The following SLC41A3 variants were observed in gnomAD, a reference collection of about 807,000 sequenced individuals.
The protein encoded by SLC41A3 is SLC41A1-like 2.
In SLC41A3, 44 loss-of-function variants were observed where a neutral mutation model predicts 45.4. That is an observed-to-expected ratio of 0.97 (90% confidence interval 0.76 to 1.25). The LOEUF (loss-of-function observed/expected upper bound fraction) is 1.25. Among genes scored for constraint, SLC41A3 ranks in the 50% most tolerant of loss-of-function variants. The pLI is 0.00. For missense variants in SLC41A3, 550 were observed against 600.6 expected (o/e 0.92, Z 0.88); for synonymous variants, 256 against 252.4 (o/e 1.01, Z -0.13).
chr3:126,072,372 T>TA (rs138420343), intron 1 of SLC41A3, among the ~76,000 whole-genome samples: 35 of 126,486 alleles, frequency 2.8e-4, no homozygotes, highest in African/African-American at 6.9e-4. Flanking sequence ...TAAAAAAAAA[T>TA]AAAAAAAAAA....
At chr3:126,084,292 G>A (rs891675720), upstream of SLC41A3, 11 of 152,258 alleles carry the variant, frequency 7.2e-5, no homozygotes, top group Admixed American at 5.9e-4. Context: ...GGGGCCCGGG[G>A]GGCTGGGAGC....
At chr3:126,086,408 G>GTTTTTTTTTTTTTTTTT (rs57316346), upstream of SLC41A3, among the ~76,000 whole-genome samples, 1 of 21,184 alleles carries the variant, frequency 4.7e-5, no homozygotes, top group African/African-American at 1.3e-4. Flanking sequence ...TTGTTTTCTT[G>GTTTTTTTTTTTTTTTTT]TTTTTTTTTT....
chr3:126,035,415 A>G (rs1271488782), intron 3 of SLC41A3, among the ~76,000 whole-genome samples: 3 of 152,236 alleles, frequency 2.0e-5, no homozygotes, highest in Non-Finnish European at 4.4e-5. Flanking sequence ...CCAGGCCAAC[A>G]GGAGCCACAG....
chr3:126,077,698 A>T (rs1372818995), intron 1 of SLC41A3, among the ~76,000 whole-genome samples: 2 of 152,164 alleles, frequency 1.3e-5, no homozygotes, highest in African/African-American at 4.8e-5. Context: ...TTTCCCAAGG[A>T]ATTTATGGAT....
chr3:126,077,724 G>A (rs976949009), intron 1 of SLC41A3, among the ~76,000 whole-genome samples: 2 of 152,220 alleles, frequency 1.3e-5, no homozygotes, highest in Non-Finnish European at 2.9e-5. Context: ...AGGAGCTGAC[G>A]GAAGAACTGA....
intron 3 of SLC41A3, among the ~76,000 whole-genome samples, chr3:126,039,344 T>C (rs1022965743): frequency 6.6e-6 from 1 of 152,240 alleles, no homozygotes; most frequent in Non-Finnish European, 1.5e-5. Context: ...CCATTGCATT[T>C]AGCCACAGCT....
intron 10 of SLC41A3, among the ~76,000 whole-genome samples, chr3:126,008,326 G>A (rs575598949): frequency 1.3e-5 from 2 of 152,332 alleles, no homozygotes; most frequent in East Asian, 3.9e-4. Flanking sequence ...GGCATGCACT[G>A]TGACATGCAG....
intron 1 of SLC41A3, among the ~76,000 whole-genome samples, chr3:126,092,195 C>T (rs1049098338): frequency 1.2e-4 from 18 of 152,190 alleles, no homozygotes; most frequent in Non-Finnish European, 2.2e-4. Flanking sequence ...ATGGCCATAA[C>T]GCCCACACTG....
At chr3:126,010,387 G>A (rs768459619) in intron 9 of SLC41A3, among the ~76,000 whole-genome samples, 40 of 152,122 alleles carry the variant, frequency 2.6e-4, no homozygotes, top group Admixed American at 2.3e-3. Flanking sequence ...CAGGAGAATC[G>A]CTTGAACCAG....
chr3:126,010,176 CA>C (rs1442706569), intron 9 of SLC41A3, among the ~76,000 whole-genome samples: 1 of 152,100 alleles, frequency 6.6e-6, no homozygotes, highest in African/African-American at 2.4e-5. Flanking sequence ...TACAAATAGA[CA>C]AAAAACACTC....
chr3:126,067,376 T>A (rs1944403978), intron 2 of SLC41A3: 1 of 164,994 alleles, frequency 6.1e-6, no homozygotes, highest in Admixed American at 6.3e-5. Flanking sequence ...ACACAGCCTT[T>A]AAGAGGTAAT....
At chr3:126,035,060 C>G (rs1942082448) in intron 3 of SLC41A3, among the ~76,000 whole-genome samples, 1 of 152,184 alleles carries the variant, frequency 6.6e-6, no homozygotes, top group African/African-American at 2.4e-5. Flanking sequence ...GGGCAGGAGG[C>G]TGAGGAGCTC....
upstream of SLC41A3, among the ~76,000 whole-genome samples, chr3:126,086,807 A>G (rs1038880854): frequency 1.3e-5 from 2 of 152,126 alleles, no homozygotes; most frequent in Non-Finnish European, 2.9e-5. Context: ...ATGTACTTCT[A>G]TTGCCATGCC....
intron 4 of SLC41A3, among the ~76,000 whole-genome samples, chr3:126,027,730 G>A (rs1941478854): frequency 6.6e-6 from 1 of 152,226 alleles, no homozygotes; most frequent in Admixed American, 6.5e-5. Context: ...TTAAATGTTT[G>A]TGACCAAAAT....
chr3:126,039,341 A>G (rs1331867322), intron 3 of SLC41A3, among the ~76,000 whole-genome samples: 1 of 152,216 alleles, frequency 6.6e-6, no homozygotes, highest in Non-Finnish European at 1.5e-5. Context: ...TGCCCATTGC[A>G]TTTAGCCACA....
chr3:126,012,870 T>C, intron 8 of SLC41A3, 121 bp from the exon 9 acceptor site: 1 of 1,423,840 alleles, frequency 7.0e-7, no homozygotes, highest in Non-Finnish European at 9.4e-7. Context: ...TTCATTATCT[T>C]TTCCTTTCCT....
At chr3:126,022,499 C>T (rs111874599) in intron 6 of SLC41A3, among the ~76,000 whole-genome samples, 2,146 of 152,298 alleles carry the variant, frequency 0.014, 43 homozygotes, top group African/African-American at 0.047. Context: ...GTGACAGAAC[C>T]CAGCGTGCAG....
rs369194596 is a variant in SLC41A3, at chr3:126,026,896, C to T, written c.454-417G>A. ...TACCCCACGACACAGAGCAGTCACA[C>T]GGGAGGACTTCACACACTTTTGGTC... On this transcript the variant is annotated intron_variant, in intron 4 of 10. Coordinates refer to ENST00000360370, the MANE Select transcript of SLC41A3 (RefSeq NM_017836.4). This position sits in a 1 kb window ranked among gnomAD's most constrained non-coding sequence, Gnocchi z 4.2. Among the ~76,000 whole-genome samples the T allele has an allele frequency of 7.2e-5, 11 of 152,260 alleles. No individual in the cohort carries two copies. Among genetic ancestry groups the T allele is most frequent in the Non-Finnish European group, 1.3e-4 (9 of 68,012 alleles).
chr3:126,011,505 A>G (rs1483386988), intron 9 of SLC41A3, among the ~76,000 whole-genome samples: 2 of 152,208 alleles, frequency 1.3e-5, no homozygotes, highest in East Asian at 3.8e-4. Flanking sequence ...GAATATCAAA[A>G]AGAAGGAGAG....
Sources: allele counts gnomAD v4.1 joint callset (sites outside exome capture counted in the v4.1 genomes callset), GRCh38; gene constraint gnomAD v4.1.1; non-coding constraint Gnocchi (gnomAD v3.1); transcripts MANE v1.5; gene names NCBI Gene and HGNC (gene_info 2026-07-23, HGNC 2026-07-21).